Variants in MICU3 observed in about 807,000 individuals in gnomAD.
MICU3 encodes calcium uptake protein 3, mitochondrial.
Under a neutral mutation model 66.5 loss-of-function variants are expected in MICU3, and 62 were observed. The observed-to-expected ratio is 0.93, with a 90% CI of 0.76 to 1.15. The LOEUF (loss-of-function observed/expected upper bound fraction) is 1.15. MICU3 is among the 50% of genes most tolerant of loss of function. The pLI, the probability that MICU3 is intolerant of heterozygous loss-of-function variation, is 0.00. For synonymous variants in MICU3, 308 were observed against 240.7 expected (o/e 1.28, Z -2.59); for missense variants, 779 against 664.4 (o/e 1.17, Z -1.90).
intron 1 of MICU3, among the ~76,000 whole-genome samples, chr8:17,052,435 G>A (rs1207543493): frequency 6.6e-6 from 1 of 151,896 alleles, no homozygotes; most frequent in Non-Finnish European, 1.5e-5. Flanking sequence ...CTGTGCTATT[G>A]AACTCTAGAA....
chr8:17,132,855 A>G, the MICU3 span: 1 of 152,190 alleles, frequency 6.6e-6, no homozygotes, highest in African/African-American at 2.4e-5. Context: ...CACAAACGTA[A>G]TAGTATTAAG....
At chr8:17,105,287 T>TA in intron 10 of MICU3, 126 bp from the exon 11 acceptor site, 2 of 583,310 alleles carry the variant, frequency 3.4e-6, no homozygotes, top group Admixed American at 7.6e-5. Context: ...AGGAACTTTA[T>TA]TAATCTTTGC....
intron 13 of MICU3, 125 bp downstream of exon 13, chr8:17,116,725 A>G: frequency 1.5e-6 from 1 of 687,040 alleles, no homozygotes; most frequent in Non-Finnish European, 2.3e-6. Context: ...TTTATTTGAA[A>G]AGAAAAAACA....
chr8:17,096,196 A>C (rs1354414669), intron 8 of MICU3, among the ~76,000 whole-genome samples: 2 of 151,892 alleles, frequency 1.3e-5, no homozygotes, highest in Non-Finnish European at 2.9e-5. Flanking sequence ...TGTCTGTTTC[A>C]CAGCCATCAA....
chr8:17,135,571 A>G, the MICU3 span, among the ~76,000 whole-genome samples: 109,581 of 151,860 alleles, frequency 0.72, 41,021 homozygotes, highest in East Asian at 0.95. Flanking sequence ...ATGCAAACTA[A>G]GGCAAATGTG....
intron 1 of MICU3, among the ~76,000 whole-genome samples, chr8:17,033,595 C>T (rs1195594225): frequency 1.3e-5 from 2 of 152,066 alleles, no homozygotes; most frequent in African/African-American, 4.8e-5. Context: ...CACCACCACA[C>T]CCAGCTAATT....
chr8:17,027,729 G>A, intron 1 of MICU3, 69 bp downstream of exon 1: 1 of 1,255,924 alleles, frequency 8.0e-7, no homozygotes, highest in South Asian at 3.2e-5. Context: ...GCAGGACCCT[G>A]GAGGCTGTGG....
the MICU3 span, among the ~76,000 whole-genome samples, chr8:17,133,958 C>T: frequency 2.0e-5 from 3 of 152,128 alleles, no homozygotes; most frequent in African/African-American, 2.4e-5. Flanking sequence ...GTAAGACTAA[C>T]GTGCCTCCAT....
chr8:17,069,088 A>G (rs534200343), intron 2 of MICU3, among the ~76,000 whole-genome samples: 1 of 152,296 alleles, frequency 6.6e-6, no homozygotes, highest in South Asian at 2.1e-4. Flanking sequence ...CTGACATTTT[A>G]TTCAGCTGTA....
rs1377891246 is a variant in MICU3, at chr8:17,121,987, G to A, written c.*1700G>A. 1 of 151,698 alleles carries A rather than the reference G, an allele frequency of 6.6e-6. No homozygotes were observed. The allele number at this position is 151,698 out of a possible 1,614,324, so 9.4% of individuals were successfully genotyped here. On this transcript the variant is annotated 3_prime_UTR_variant, in exon 15 of 15. Coordinates refer to ENST00000318063, the MANE Select transcript of MICU3 (RefSeq NM_181723.3). ...ACCTAAAGTAATTGAAAAAAATGCA[G>A]TTTCCTTTAATCCTTGACTATAAGT...
At chr8:17,039,436 A>G (rs1026231931) in intron 1 of MICU3, among the ~76,000 whole-genome samples, 4 of 152,212 alleles carry the variant, frequency 2.6e-5, no homozygotes, top group African/African-American at 9.6e-5. Flanking sequence ...GAGAAGCTAA[A>G]TAGCTGATCC....
rs1563393803 is a variant in MICU3, at chr8:17,111,420, CA to C, written c.1258-2671del. On this transcript the variant is annotated intron_variant, in intron 11 of 14. Coordinates refer to ENST00000318063, the MANE Select transcript of MICU3 (RefSeq NM_181723.3). Reference sequence around the variant, plus strand: ...CACTGCGACCTCAAACTCCTGGGCTCAAGTGATCCTCCTGCCTCAGCTTCTC... The same window carrying C: ...CACTGCGACCTCAAACTCCTGGGCTCAGTGATCCTCCTGCCTCAGCTTCTC... Among the ~76,000 whole-genome samples the C allele has an allele frequency of 2.6e-5, 4 of 152,154 alleles. No homozygotes were observed. In the South Asian group the frequency reaches 8.3e-4, roughly 32 times the overall value.
At chr8:17,090,968 G>C (rs1799983667) in intron 8 of MICU3, among the ~76,000 whole-genome samples, 1 of 151,970 alleles carries the variant, frequency 6.6e-6, no homozygotes, top group South Asian at 2.1e-4. Flanking sequence ...CTTATGTACA[G>C]TCTTTGTTCA....
At chr8:17,106,303 T>C (rs1380144437) in intron 11 of MICU3, among the ~76,000 whole-genome samples, 1 of 151,400 alleles carries the variant, frequency 6.6e-6, no homozygotes, top group African/African-American at 2.4e-5. Context: ...TTAGAATGGA[T>C]ACACTGTGAC....
rs542910965 is a variant in MICU3 at position 17,083,191 on chromosome 8, C to T, written c.694+1451C>T. 4.6e-5 allele frequency among the ~76,000 whole-genome samples: 7 copies of T among 152,066 alleles called. No homozygotes were observed. In the East Asian group the frequency reaches 5.8e-4, roughly 13 times the overall value. On this transcript the variant is annotated intron_variant, in intron 5 of 14. Coordinates refer to ENST00000318063, the MANE Select transcript of MICU3 (RefSeq NM_181723.3). ...TTCTCTTGAGCTGAGTCAGTTCCTG[C>T]GTGAGGACCACAAGACCAGATGAGC...
chr8:17,044,140 T>C (rs763977160), intron 1 of MICU3, among the ~76,000 whole-genome samples: 12 of 152,172 alleles, frequency 7.9e-5, no homozygotes, highest in Admixed American at 2.0e-4. Context: ...ATAGCAGAAT[T>C]TGGAACATGG....
At chr8:17,030,124 T>C (rs760153706) in intron 1 of MICU3, among the ~76,000 whole-genome samples, 2 of 152,228 alleles carry the variant, frequency 1.3e-5, no homozygotes, top group Non-Finnish European at 2.9e-5. Context: ...TGCTATATTT[T>C]CTCTTTTTGC....
chr8:17,041,521 A>G (rs1042466515), intron 1 of MICU3, among the ~76,000 whole-genome samples: 14 of 152,168 alleles, frequency 9.2e-5, no homozygotes, highest in Non-Finnish European at 2.1e-4. Flanking sequence ...AAGTGAGGTA[A>G]GTGTTGACAG....
chr8:17,097,783 T>G (rs1800869355), intron 8 of MICU3, among the ~76,000 whole-genome samples: 1 of 151,586 alleles, frequency 6.6e-6, no homozygotes, highest in Non-Finnish European at 1.5e-5. Context: ...CTAGAGTGAT[T>G]AGACTACACT....
Sources: gnomAD v4.1 joint callset for allele counts (sites outside exome capture counted in the v4.1 genomes callset) on GRCh38, gnomAD v4.1.1 for gene constraint, MANE v1.5 for transcripts, NCBI Gene and HGNC (gene_info 2026-07-23, HGNC 2026-07-21) for gene names.